SVOPL: variants seen among roughly 807,000 people sequenced by gnomAD.
SVOPL encodes putative transporter SVOPL.
SVOPL carries 60 observed loss-of-function variants against 61.0 expected under a neutral mutation model. The ratio of observed to expected loss-of-function variants is 0.98; its 90% CI spans 0.80 to 1.22. The LOEUF (loss-of-function observed/expected upper bound fraction) is 1.22. Ranked by LOEUF, SVOPL falls within the 50% of genes most tolerant of loss-of-function variation. The probability of loss-of-function intolerance (pLI) is 0.00; values close to 1 mark genes in which losing one functional copy is unlikely to be tolerated. For synonymous variants in SVOPL, 279 were observed against 250.0 expected (o/e 1.12, Z -1.09); for missense variants, 662 against 643.9 (o/e 1.03, Z -0.30).
At chr7:138,676,367 C>T (rs77531229) in intron 3 of SVOPL, among the ~76,000 whole-genome samples, 2,168 of 152,240 alleles carry the variant, frequency 0.014, 58 homozygotes, top group African/African-American at 0.05. Context: ...TTCTGCAGGT[C>T]GGGAGGCCCA....
intron 13 of SVOPL, among the ~76,000 whole-genome samples, chr7:138,623,519 G>T (rs1485350495): frequency 1.3e-5 from 2 of 152,054 alleles, no homozygotes; most frequent in Non-Finnish European, 2.9e-5. Context: ...AGAATGGCGT[G>T]AACCCGGGAG....
At chr7:138,596,584 T>C (rs1396853697) in intron 14 of SVOPL, 54 bp from the exon 15 acceptor site, 2 of 1,579,280 alleles carry the variant, frequency 1.3e-6, no homozygotes, top group African/African-American at 1.3e-5. Flanking sequence ...ACCTCTAAAC[T>C]GTTCTTTATG....
chr7:138,615,286 G>A (rs1266401019), intron 14 of SVOPL, among the ~76,000 whole-genome samples: 8 of 152,124 alleles, frequency 5.3e-5, no homozygotes, highest in South Asian at 4.1e-4. Context: ...GGCTGGGCAC[G>A]ATGGCTCACG....
chr7:138,649,386 T>C (rs1308421759), intron 7 of SVOPL, among the ~76,000 whole-genome samples: 2 of 152,030 alleles, frequency 1.3e-5, no homozygotes, highest in Non-Finnish European at 2.9e-5. Context: ...CTCTGCCTCC[T>C]GGGTTCAAAT....
intron 1 of SVOPL, among the ~76,000 whole-genome samples, chr7:138,682,528 T>C (rs1021214544): frequency 1.2e-4 from 18 of 151,936 alleles, no homozygotes; most frequent in African/African-American, 4.1e-4. Context: ...ATAAGAAAAA[T>C]GACCCAGTTT....
At chr7:138,620,444 C>CAAAAAAAAA (rs3080386) in intron 14 of SVOPL, among the ~76,000 whole-genome samples, 45 of 87,264 alleles carry the variant, frequency 5.2e-4, no homozygotes, top group Middle Eastern at 6.7e-3. Context: ...TCTTTGCAGC[C>CAAAAAAAAA]AAAAAAAAAA....
At position 138,698,588 on chromosome 7, in the gene SVOPL, C is replaced by G. The variant is rs185342555; in HGVS notation, c.-35+2590G>C. Among the ~76,000 whole-genome samples the G allele has an allele frequency of 1.1e-3, 167 of 152,252 alleles. 1 individual carries two copies. The highest frequency in any genetic ancestry group is 3.4e-3 in the Middle Eastern group (1 of 294). ...GCCTCGGACTGCTCACCTCCAGACA[C>G]CACGTATGAAGGAAAGAAATACACC... On this transcript the variant is annotated intron_variant, in intron 1 of 15. Transcript: ENST00000674285.
At position 138,696,782 on chromosome 7, in the gene SVOPL, TG is replaced by T. The variant is rs374594270; in HGVS notation, c.-35+4395del. 2.6e-3 allele frequency among the ~76,000 whole-genome samples: 397 copies of T among 152,216 alleles called. 8 individuals carry two copies. The South Asian group carries it at 0.035, about 13-fold the overall frequency. On this transcript the variant is annotated intron_variant, in intron 1 of 15. Transcript: ENST00000674285. Reference sequence around the variant, plus strand: ...CGGGGTCTTACCATGTTGACCAGACTGGTCTTAAACTCCTGGGCTCAGACAA... The same window carrying T: ...CGGGGTCTTACCATGTTGACCAGACTGTCTTAAACTCCTGGGCTCAGACAA...
intron 14 of SVOPL, among the ~76,000 whole-genome samples, chr7:138,599,171 A>AC (rs1054752359): frequency 2.0e-4 from 30 of 148,714 alleles, no homozygotes; most frequent in African/African-American, 7.4e-4. Flanking sequence ...AAAAAAAAAG[A>AC]AATACAGAAA....
chr7:138,670,380 C>T (rs1222260988), intron 4 of SVOPL, among the ~76,000 whole-genome samples: 1 of 152,138 alleles, frequency 6.6e-6, no homozygotes, highest in African/African-American at 2.4e-5. Context: ...TTGCGACTTC[C>T]CCAATTACTC....
At chr7:138,687,530 C>T (rs56074906) in intron 1 of SVOPL, among the ~76,000 whole-genome samples, 7 of 151,584 alleles carry the variant, frequency 4.6e-5, no homozygotes, top group Non-Finnish European at 8.8e-5. Context: ...AGCCACTGCA[C>T]TTGCCCTACA....
At chr7:138,644,972 G>T in intron 8 of SVOPL, 127 bp from the exon 9 acceptor site, 1 of 1,221,954 alleles carries the variant, frequency 8.2e-7, no homozygotes. Flanking sequence ...CAGCTTAAAG[G>T]CATGCAATGT....
chr7:138,660,400 ACAG>A (rs1222346117), intron 5 of SVOPL: 1 of 985,864 alleles, frequency 1.0e-6, no homozygotes, highest in African/African-American at 1.7e-5. Flanking sequence ...AGTAAACAAT[ACAG>A]AAGAAAAAAG....
intron 14 of SVOPL, among the ~76,000 whole-genome samples, chr7:138,620,642 C>T (rs1799522996): frequency 1.3e-5 from 2 of 152,036 alleles, no homozygotes; most frequent in Non-Finnish European, 2.9e-5. Flanking sequence ...CCTCCCTGCC[C>T]CTCAGCTGAA....
chr7:138,689,382 C>A, intron 1 of SVOPL: 1 of 1,538,244 alleles, frequency 6.5e-7, no homozygotes, highest in African/African-American at 1.4e-5. Flanking sequence ...AGCTTATGGT[C>A]GGATTTACCC....
At position 138,597,184 on chromosome 7, in the gene SVOPL, T is replaced by C. The variant is rs975801794; in HGVS notation, c.1354-654A>G. The C allele has an allele frequency of 1.1e-5, 14 of 1,288,994 alleles. No homozygotes were observed. The African/African-American group carries it at 2.1e-4, about 20-fold the overall frequency. 79.8% of individuals were successfully genotyped at this position (1,288,994 alleles called of 1,614,324 possible). A position where few individuals can be genotyped will look rare whatever the true frequency, so the allele number is the denominator to read the frequency against. On this transcript the variant is annotated intron_variant, in intron 14 of 15. Transcript: ENST00000674285. ...TTTAGTTTCTCTTGGTCTGTGTTCT[T>C]GATAGTTCTCCATTAATCTCACAAC...
chr7:138,659,648 C>A (rs1427293955), intron 6 of SVOPL, among the ~76,000 whole-genome samples: 3 of 152,012 alleles, frequency 2.0e-5, no homozygotes, highest in Non-Finnish European at 4.4e-5. Context: ...ACAAGCTATA[C>A]CCCAACTACC....
intron 5 of SVOPL, chr7:138,661,871 C>G (rs1274179819): frequency 1.0e-6 from 1 of 985,224 alleles, no homozygotes; most frequent in Non-Finnish European, 1.2e-6. Context: ...TTAATTTCGT[C>G]TCTGTTTCTT....
intron 14 of SVOPL, among the ~76,000 whole-genome samples, chr7:138,608,387 T>G (rs1798847177): frequency 6.6e-6 from 1 of 152,190 alleles, no homozygotes; most frequent in African/African-American, 2.4e-5. Context: ...TGGACTAAAA[T>G]AGCGAGCTAG....
Sources: gnomAD v4.1 joint callset for allele counts (sites outside exome capture counted in the v4.1 genomes callset) on GRCh38, gnomAD v4.1.1 for gene constraint, MANE v1.5 for transcripts, NCBI Gene and HGNC (gene_info 2026-07-23, HGNC 2026-07-21) for gene names.